Variants in EVA1C observed in about 807,000 individuals in gnomAD.
The protein encoded by EVA1C is protein eva-1 homolog C.
A neutral mutation model predicts 45.4 loss-of-function variants in EVA1C; 25 were observed. The observed-to-expected ratio is 0.55, with a 90% CI of 0.40 to 0.77. The LOEUF is 0.77. Ranked by LOEUF, EVA1C falls within the 30% of genes least tolerant of loss-of-function variation. EVA1C has a pLI of 0.00. For missense variants in EVA1C, 479 were observed against 554.8 expected (o/e 0.86, Z 1.37); for synonymous variants, 190 against 221.2 (o/e 0.86, Z 1.25).
intron 4 of EVA1C, among the ~76,000 whole-genome samples, chr21:32,490,983 G>C (rs1046028943): frequency 1.3e-5 from 2 of 152,216 alleles, no homozygotes; most frequent in Non-Finnish European, 2.9e-5. Context: ...ACCAGCATAA[G>C]TGCTGGGAGC....
rs116915794 is a variant in EVA1C, at chr21:32,445,084, C to T, written c.161-8228C>T. ...GGGGAGACAGGTCTATGCCTTTCTC[C>T]AAAGATAATTTTGAGGGCTTCAATA... On this transcript the variant is annotated intron_variant, in intron 1 of 7. Coordinates refer to ENST00000300255, the MANE Select transcript of EVA1C (RefSeq NM_058187.5). Among the ~76,000 whole-genome samples, 486 of 152,110 alleles carry T rather than the reference C, an allele frequency of 3.2e-3. 5 individuals are homozygous for T. Among genetic ancestry groups the T allele is most frequent in the South Asian group, 0.019 (91 of 4,802 alleles).
chr21:32,437,922 C>T (rs1357256057), intron 1 of EVA1C, among the ~76,000 whole-genome samples: 1 of 152,194 alleles, frequency 6.6e-6, no homozygotes, highest in East Asian at 1.9e-4. Flanking sequence ...TAGCTGGAGG[C>T]CTTGGGACTC....
intron 7 of EVA1C, among the ~76,000 whole-genome samples, chr21:32,509,137 A>C (rs1397000361): frequency 6.6e-6 from 1 of 152,218 alleles, no homozygotes; most frequent in African/African-American, 2.4e-5. Context: ...GTCCTAGCCA[A>C]GTGGTGGCTT....
At chr21:32,422,202 G>T (rs2034307664) in intron 1 of EVA1C, among the ~76,000 whole-genome samples, 1 of 152,130 alleles carries the variant, frequency 6.6e-6, no homozygotes. Context: ...GACATGAAAA[G>T]CCTGATGGGT....
At chr21:32,415,593 G>T (rs1339315425) in intron 1 of EVA1C, among the ~76,000 whole-genome samples, 1 of 150,248 alleles carries the variant, frequency 6.7e-6, no homozygotes, top group African/African-American at 2.4e-5. Flanking sequence ...ATTTTTTTTT[G>T]CCCTCAGGGA....
chr21:32,502,201 C>A (rs140741987), intron 6 of EVA1C, among the ~76,000 whole-genome samples: 1 of 151,852 alleles, frequency 6.6e-6, no homozygotes, highest in Non-Finnish European at 1.5e-5. Context: ...CGGGTTCAAG[C>A]GATTCTCCTG....
chr21:32,459,590 C>A (rs2035920744), intron 3 of EVA1C, among the ~76,000 whole-genome samples: 1 of 151,972 alleles, frequency 6.6e-6, no homozygotes, highest in African/African-American at 2.4e-5. Context: ...GCCTGTAATC[C>A]CAGCACTTTG....
At chr21:32,431,479 CA>C (rs530126852) in intron 1 of EVA1C, among the ~76,000 whole-genome samples, 201 of 152,328 alleles carry the variant, frequency 1.3e-3, no homozygotes, top group Middle Eastern at 6.8e-3. Context: ...GTGTGTTTCA[CA>C]CATGCCAATG....
At chr21:32,488,411 C>T (rs73192572) in intron 4 of EVA1C, among the ~76,000 whole-genome samples, 4,384 of 152,238 alleles carry the variant, frequency 0.029, 91 homozygotes, top group South Asian at 0.079. Flanking sequence ...AATCTACATT[C>T]CCACCAATAG....
intron 1 of EVA1C, among the ~76,000 whole-genome samples, chr21:32,441,269 G>C (rs1001957389): frequency 2.0e-5 from 3 of 152,128 alleles, no homozygotes; most frequent in Non-Finnish European, 4.4e-5. Flanking sequence ...AGAGTTAGGG[G>C]TGTGGGGCAG....
intron 5 of EVA1C, 72 bp downstream of exon 5, chr21:32,495,242 G>T (rs563372834): frequency 1.3e-6 from 2 of 1,544,942 alleles, no homozygotes; most frequent in African/African-American, 2.7e-5. Context: ...CCATGTGAAC[G>T]GCAGGAGTTT....
chr21:32,492,381 G>A (rs1381960973), intron 4 of EVA1C, among the ~76,000 whole-genome samples: 2 of 152,094 alleles, frequency 1.3e-5, no homozygotes, highest in African/African-American at 2.4e-5. Context: ...AGGATGGGAG[G>A]AGAGATGCAG....
At chr21:32,475,705 A>G (rs1360335942) in intron 4 of EVA1C, among the ~76,000 whole-genome samples, 1 of 151,886 alleles carries the variant, frequency 6.6e-6, no homozygotes, top group African/African-American at 2.4e-5. Flanking sequence ...GATATTTTTC[A>G]TTTTTTCTGA....
In EVA1C at chr21:32,467,747, G is replaced by A. The variant is rs2036224857; in HGVS notation, c.533G>A (p.Cys178Tyr). 3 of 1,612,156 alleles carry A rather than the reference G, an allele frequency of 1.9e-6. No homozygotes were observed. The Admixed American group carries it at 5.0e-5, about 27-fold the overall frequency. The change falls in exon 4 of 8, where the codon TGC (cysteine) becomes TAC (tyrosine). Residue 178 changes from cysteine (C) to tyrosine (Y), a missense_variant. Around this residue, in one of 3 missense-constraint regions of EVA1C, gnomAD observed 366 missense variants for 426.1 expected, o/e 0.86. Coordinates refer to ENST00000300255, the MANE Select transcript of EVA1C (RefSeq NM_058187.5). ...GAAGACCAGGAGCTGAAACTGCACT[G>A]CCATGAATCCAAGTTCCTCAACATC... Reference protein sequence around the residue: ...VCEDQELKLHCHESKFLNIYS... With the variant: ...VCEDQELKLHYHESKFLNIYS...
intron 1 of EVA1C, among the ~76,000 whole-genome samples, chr21:32,416,320 T>C (rs1026388723): frequency 8.8e-6 from 1 of 114,132 alleles, no homozygotes; most frequent in Non-Finnish European, 1.6e-5. Context: ...TTTTTCTTTT[T>C]CTTTTTTTTT....
rs939117193 is a variant in EVA1C, at chr21:32,452,148, G to A, written c.161-1164G>A. 6.6e-6 allele frequency: 1 copy of A among 152,192 alleles called. No homozygotes were observed. The highest frequency in any genetic ancestry group is 2.4e-5 in the African/African-American group (1 of 41,446). 9.4% of individuals were successfully genotyped at this position (152,192 alleles called of 1,614,324 possible). A position where few individuals can be genotyped will look rare whatever the true frequency, so the allele number is the denominator to read the frequency against. ...GCAAATGAAAGCCTCCCTCAGGATG[G>A]GCATCCACACATCCAGGGGACACTC... On this transcript the variant is annotated intron_variant, in intron 1 of 7. Transcript: ENST00000300255. This position sits in a 1 kb window ranked among gnomAD's most constrained non-coding sequence, Gnocchi z 4.0.
At chr21:32,498,439 CA>C (rs552076847) in intron 5 of EVA1C, among the ~76,000 whole-genome samples, 18,518 of 79,694 alleles carry the variant, frequency 0.23, 1,029 homozygotes, top group Middle Eastern at 0.43. Context: ...AACTCTGTCT[CA>C]AAAAAAAAAA....
chr21:32,458,963 A>AC (rs1294119642), intron 3 of EVA1C, among the ~76,000 whole-genome samples: 1 of 151,486 alleles, frequency 6.6e-6, no homozygotes, highest in South Asian at 2.1e-4. Context: ...GTGGGGAGAA[A>AC]CCCCCCCGAT....
At chr21:32,487,141 G>A (rs1198270749) in intron 4 of EVA1C, among the ~76,000 whole-genome samples, 1 of 152,146 alleles carries the variant, frequency 6.6e-6, no homozygotes, top group Non-Finnish European at 1.5e-5. Flanking sequence ...ATTAAAATTA[G>A]CTCCTTTTAA....
Sources: allele counts gnomAD v4.1 joint callset (sites outside exome capture counted in the v4.1 genomes callset), GRCh38; gene constraint gnomAD v4.1.1; regional missense constraint gnomAD v4.1.1; non-coding constraint Gnocchi (gnomAD v3.1); transcripts MANE v1.5; gene names NCBI Gene and HGNC (gene_info 2026-07-23, HGNC 2026-07-21).